DLG2: variants seen among roughly 807,000 people sequenced by gnomAD.
The protein encoded by DLG2 is disks large homolog 2.
In DLG2, 45 loss-of-function variants were observed where a neutral mutation model predicts 132.5. The observed-to-expected ratio is 0.34, with a 90% confidence interval of 0.27 to 0.44. The LOEUF (loss-of-function observed/expected upper bound fraction) is 0.44, where lower values mean the gene tolerates loss of function less well. Among genes scored for constraint, DLG2 ranks in the 20% least tolerant of loss-of-function variants. The pLI is 1.00. For synonymous variants in DLG2, 424 were observed against 419.6 expected (o/e 1.01, Z -0.13); for missense variants, 1,045 against 1,196.9 (o/e 0.87, Z 1.87).
chr11:83,513,570 T>A (rs1331479781), intron 21 of DLG2, among the ~76,000 whole-genome samples: 1 of 152,262 alleles, frequency 6.6e-6, no homozygotes, highest in Non-Finnish European at 1.5e-5. Context: ...TTGTTGCTAT[T>A]GCTTTTAGTG....
intron 3 of DLG2, among the ~76,000 whole-genome samples, chr11:85,387,933 T>G (rs1434040160): frequency 6.6e-6 from 1 of 152,124 alleles, no homozygotes; most frequent in Non-Finnish European, 1.5e-5. Flanking sequence ...CCAGGAAAAC[T>G]GAGAGAATCC....
At chr11:85,192,226 T>A (rs768105368) in intron 4 of DLG2, among the ~76,000 whole-genome samples, 1 of 152,172 alleles carries the variant, frequency 6.6e-6, no homozygotes, top group African/African-American at 2.4e-5. Flanking sequence ...GGTTTCCTCA[T>A]CTATAAAATG....
Position 84,355,551 on chromosome 11 carries a change from G to C in DLG2, c.520-104260C>G, listed in dbSNP as rs543620500. Among the ~76,000 whole-genome samples, 4 of 152,124 alleles carry C rather than the reference G, an allele frequency of 2.6e-5. No individual in the cohort carries two copies. The South Asian group carries it at 6.2e-4, about 24-fold the overall frequency. Reference sequence around the variant, plus strand: ...TGGTAGCTTGATCTTGGATTCCCCAGCCTCCAGAACTGTGAGAGATAAACT... The same window carrying C: ...TGGTAGCTTGATCTTGGATTCCCCACCCTCCAGAACTGTGAGAGATAAACT... On this transcript the variant is annotated intron_variant, in intron 7 of 27. Transcript: ENST00000376104.
intron 18 of DLG2, among the ~76,000 whole-genome samples, chr11:83,683,889 A>G (rs1442333508): frequency 6.6e-6 from 1 of 152,040 alleles, no homozygotes; most frequent in Non-Finnish European, 1.5e-5. Flanking sequence ...AAGAGAATGA[A>G]GGGCCCAGGG....
chr11:85,445,025 GAGAA>G (rs1387304523), intron 3 of DLG2, among the ~76,000 whole-genome samples: 2 of 152,128 alleles, frequency 1.3e-5, no homozygotes, highest in South Asian at 4.1e-4. Flanking sequence ...AATAAAATAA[GAGAA>G]AGAACAGATA....
chr11:84,675,686 A>G (rs542592731), intron 6 of DLG2, among the ~76,000 whole-genome samples: 1 of 152,158 alleles, frequency 6.6e-6, no homozygotes, highest in African/African-American at 2.4e-5. Flanking sequence ...TAGATAACTG[A>G]CATTAGACGG....
At chr11:84,401,181 C>T (rs2098828066) in intron 7 of DLG2, among the ~76,000 whole-genome samples, 1 of 152,078 alleles carries the variant, frequency 6.6e-6, no homozygotes, top group Non-Finnish European at 1.5e-5. Context: ...ACTGCAAAGA[C>T]CTGCATAGAC....
rs144834448 is a variant in DLG2 at position 83,744,557 on chromosome 11, A to G, written c.1825+42133T>C. 2.5e-3 allele frequency among the ~76,000 whole-genome samples: 381 copies of G among 152,344 alleles called. 2 individuals carry two copies. Among genetic ancestry groups the G allele is most frequent in the South Asian group, 9.1e-3 (44 of 4,834 alleles). ...ACACTTACATATATTCACTTTACGTAGCCACATACCAGAGAGTGATTTACA... is the reference window on the plus strand; with the variant it reads ...ACACTTACATATATTCACTTTACGTGGCCACATACCAGAGAGTGATTTACA... On this transcript the variant is annotated intron_variant, in intron 18 of 27. Transcript: ENST00000376104.
At chr11:83,502,496 T>A (rs1158440073) in intron 21 of DLG2, among the ~76,000 whole-genome samples, 3 of 152,168 alleles carry the variant, frequency 2.0e-5, no homozygotes, top group African/African-American at 4.8e-5. Flanking sequence ...ATTCAAGCAA[T>A]GAGATTTTGG....
At chr11:83,973,079 G>A (rs184776180) in intron 12 of DLG2, among the ~76,000 whole-genome samples, 1 of 152,146 alleles carries the variant, frequency 6.6e-6, no homozygotes, top group East Asian at 1.9e-4. Context: ...AATCCACTGG[G>A]TACAAGAGAA....
chr11:84,832,710 T>C (rs985631947), intron 6 of DLG2, among the ~76,000 whole-genome samples: 2 of 151,668 alleles, frequency 1.3e-5, no homozygotes, highest in Non-Finnish European at 3.0e-5. Flanking sequence ...GTATTACTTA[T>C]TTATGTTATT....
rs149439354 is a variant in DLG2, at chr11:84,888,216, G to A, written c.357+223445C>T. On this transcript the variant is annotated intron_variant, in intron 6 of 27. Coordinates refer to ENST00000376104, the MANE Select transcript of DLG2 (RefSeq NM_001142699.3). The stretch of plus-strand genomic sequence containing the variant: ...CTGAATGTGTCTGTGAGGGTGTTTC[G>A]GAGTAAATTAGCATTTGAATGAGTA... Among the ~76,000 whole-genome samples the A allele has an allele frequency of 4.6e-5, 7 of 152,180 alleles. No homozygotes were observed. In the East Asian group the frequency reaches 5.8e-4, roughly 13 times the overall value.
At position 84,881,849 on chromosome 11, in the gene DLG2, A is replaced by G. The variant is rs76533836; in HGVS notation, c.357+229812T>C. Among the ~76,000 whole-genome samples the G allele has an allele frequency of 0.014, 2,126 of 152,232 alleles. 135 individuals carry two copies. The East Asian group carries it at 0.22, about 16-fold the overall frequency. On this transcript the variant is annotated intron_variant, in intron 6 of 27. Coordinates refer to ENST00000376104, the MANE Select transcript of DLG2 (RefSeq NM_001142699.3). ...CAAAGGCTGTAGGCCTACACCTCTTATAACTTTTAATGCTATCCTGAACTA... is the reference window on the plus strand; with the variant it reads ...CAAAGGCTGTAGGCCTACACCTCTTGTAACTTTTAATGCTATCCTGAACTA...
intron 7 of DLG2, among the ~76,000 whole-genome samples, chr11:84,292,424 A>G (rs1329853998): frequency 1.3e-5 from 2 of 152,138 alleles, no homozygotes; most frequent in East Asian, 3.9e-4. Flanking sequence ...CCTGCCTGCT[A>G]GAGCCTAGCA....
intron 25 of DLG2, among the ~76,000 whole-genome samples, chr11:83,467,810 T>TATATATATATATACACAC (rs1414160515): frequency 4.2e-5 from 4 of 96,312 alleles, no homozygotes; most frequent in Non-Finnish European, 8.1e-5. Context: ...TATATATATA[T>TATATATATATATACACAC]ACACACACAC....
At chr11:83,944,519 T>C (rs923462993) in intron 14 of DLG2, among the ~76,000 whole-genome samples, 1 of 152,166 alleles carries the variant, frequency 6.6e-6, no homozygotes, top group African/African-American at 2.4e-5. Context: ...ACTGGCCCAG[T>C]ATAGCCGATG....
At chr11:84,459,123 A>G (rs2099073458) in intron 7 of DLG2, among the ~76,000 whole-genome samples, 1 of 150,548 alleles carries the variant, frequency 6.6e-6, no homozygotes, top group South Asian at 2.1e-4. Context: ...ACAATTTTTC[A>G]GCACATTGTC....
Position 84,432,120 on chromosome 11 carries a change from TC to T in DLG2, c.519+102449del, listed in dbSNP as rs995952346. 5.9e-5 allele frequency among the ~76,000 whole-genome samples: 9 copies of T among 152,166 alleles called. No homozygotes were observed. The East Asian group carries it at 7.7e-4, about 13-fold the overall frequency. ...AGTTGCTGTGGGAGCTGATGATAGA[TC>T]CATCCTGGGCTTTAGAGGCCAAGAA... On this transcript the variant is annotated intron_variant, in intron 7 of 27. Transcript: ENST00000376104.
chr11:85,532,273 A>G (rs1203123474), intron 3 of DLG2, among the ~76,000 whole-genome samples: 1 of 152,190 alleles, frequency 6.6e-6, no homozygotes, highest in Non-Finnish European at 1.5e-5. Context: ...CTAGATGGAA[A>G]CACCTAGTAA....
Sources: gnomAD v4.1 joint callset for allele counts (sites outside exome capture counted in the v4.1 genomes callset) on GRCh38, gnomAD v4.1.1 for gene constraint, MANE v1.5 for transcripts, NCBI Gene and HGNC (gene_info 2026-07-23, HGNC 2026-07-21) for gene names.